The following RBPJ variants were observed in gnomAD, a reference collection of about 807,000 sequenced individuals.
The protein encoded by RBPJ is recombination signal binding protein for immunoglobulin kappa J region.
RBPJ carries 9 observed loss-of-function variants against 67.8 expected under a neutral mutation model. The ratio of observed to expected loss-of-function variants is 0.13; its 90% CI spans 0.08 to 0.23. RBPJ has a LOEUF of 0.23. Ranked by LOEUF, RBPJ falls within the 10% of genes least tolerant of loss-of-function variation. The probability of loss-of-function intolerance (pLI) is 1.00; values close to 1 mark genes in which losing one functional copy is unlikely to be tolerated. For synonymous variants in RBPJ, 198 were observed against 203.3 expected, an observed-to-expected ratio of 0.97 and a Z score of 0.22; for missense variants, 305 against 595.6, an observed-to-expected ratio of 0.51 and a Z score of 5.08.
chr4:26,308,820 T>C (rs537904472), intron 1 of RBPJ, among the ~76,000 whole-genome samples: 2 of 152,206 alleles, frequency 1.3e-5, no homozygotes, highest in Non-Finnish European at 2.9e-5. Flanking sequence ...GAAACCTTTC[T>C]GGTAGGCTTT....
intron 1 of RBPJ, among the ~76,000 whole-genome samples, chr4:26,228,839 C>A (rs1321448586): frequency 6.6e-6 from 1 of 152,198 alleles, no homozygotes; most frequent in Non-Finnish European, 1.5e-5. Flanking sequence ...GAACTTGGAC[C>A]TGCAGAGCTT....
At chr4:26,161,971 T>C (rs992278186), upstream of RBPJ, among the ~76,000 whole-genome samples, 2 of 152,258 alleles carry the variant, frequency 1.3e-5, no homozygotes, top group African/African-American at 4.8e-5. Context: ...TTAATCAAGA[T>C]CTAGCCCCAT....
In RBPJ at chr4:26,362,660, G is replaced by A. The variant is rs1324978896; in HGVS notation, c.21-23693G>A. 9 of 1,572,606 alleles carry A rather than the reference G, an allele frequency of 5.7e-6. No homozygotes were observed. The African/African-American group carries it at 6.8e-5, about 12-fold the overall frequency. Reference sequence around the variant, plus strand: ...TTTAGAAATCTCCCAGTGACCCCAAGGTCATGGATAGAATGAACACTCATG... The same window carrying A: ...TTTAGAAATCTCCCAGTGACCCCAAAGTCATGGATAGAATGAACACTCATG... On this transcript the variant is annotated intron_variant, in intron 1 of 10. Coordinates refer to ENST00000355476, the MANE Select transcript of RBPJ (RefSeq NM_015874.6).
intron 1 of RBPJ, among the ~76,000 whole-genome samples, chr4:26,305,674 T>C (rs1722208945): frequency 6.6e-6 from 1 of 151,916 alleles, no homozygotes; most frequent in Non-Finnish European, 1.5e-5. Flanking sequence ...TAGAATACAA[T>C]TTTTTTATAT....
chr4:26,253,307 C>CTTTT (rs1182769419), intron 1 of RBPJ, among the ~76,000 whole-genome samples: 123 of 114,376 alleles, frequency 1.1e-3, no homozygotes, highest in African/African-American at 1.4e-3. Context: ...TCTGCTATTT[C>CTTTT]TTTTTTTTTT....
rs558422203 is a variant in RBPJ at position 26,259,045 on chromosome 4, A to AC, written c.-167+95437dup. The stretch of plus-strand genomic sequence containing the variant: ...TCTCAACCTCCTGACCTCGTGATCC[A>AC]CCCCCCTCAGACTCCCAAAGTGCTG... On this transcript the variant is annotated intron_variant, in intron 1 of 4. Coordinates refer to the RBPJ transcript ENST00000512351. Among the ~76,000 whole-genome samples, 1,334 of 151,586 alleles carry AC rather than the reference A, an allele frequency of 8.8e-3. 27 individuals carry two copies. Among genetic ancestry groups the AC allele is most frequent in the South Asian group, 0.08 (382 of 4,790 alleles).
chr4:26,428,349 A>C (rs1424618200), intron 7 of RBPJ, among the ~76,000 whole-genome samples: 2 of 152,210 alleles, frequency 1.3e-5, no homozygotes, highest in Non-Finnish European at 2.9e-5. Context: ...AGAAATGCAG[A>C]ATATCAGGCC....
chr4:26,285,341 G>C (rs1721426867), intron 1 of RBPJ, among the ~76,000 whole-genome samples: 3 of 130,664 alleles, frequency 2.3e-5, no homozygotes, highest in Admixed American at 9.9e-5. Context: ...CCTCCATTCA[G>C]TTATCTATTA....
At chr4:26,320,882 T>A, upstream of RBPJ, 1 of 1,580,878 alleles carries the variant, frequency 6.3e-7, no homozygotes, top group Non-Finnish European at 8.6e-7. Flanking sequence ...CGTCTGGCTC[T>A]TCGCGGCGGC....
In RBPJ at chr4:26,297,357, C is replaced by T. The variant is rs998839567; in HGVS notation, c.-166-65089C>T. ...CTTTGTGTGTGTGTGTGTGTGTGTACGAGAGAAAGAGAGAGAGAGAGAGAG... is the reference window on the plus strand; with the variant it reads ...CTTTGTGTGTGTGTGTGTGTGTGTATGAGAGAAAGAGAGAGAGAGAGAGAG... On this transcript the variant is annotated intron_variant, in intron 1 of 4. Coordinates refer to the RBPJ transcript ENST00000512351. 5.7e-4 allele frequency among the ~76,000 whole-genome samples: 60 copies of T among 105,924 alleles called. 1 individual carries two copies. Among genetic ancestry groups the T allele is most frequent in the Non-Finnish European group, 6.9e-4 (34 of 49,274 alleles). The allele number at this position is 105,924 out of a possible 152,430, so 69.5% of individuals were successfully genotyped here.
chr4:26,390,535 AAGGTAGT>A lies in RBPJ; in HGVS notation c.59+4148_59+4154del, dbSNP rs1459553535. On this transcript the variant is annotated intron_variant, in intron 2 of 10. Coordinates refer to ENST00000355476, the MANE Select transcript of RBPJ (RefSeq NM_015874.6). ...ACTAGAACTGATAAGTGAGTTTAGC[AAGGTAGT>A]AGGATACATGATTAACATACACAAC... Among the ~76,000 whole-genome samples, 5 of 152,366 alleles carry A rather than the reference AAGGTAGT, an allele frequency of 3.3e-5. No individual in the cohort carries two copies. In the East Asian group the frequency reaches 9.6e-4, roughly 29 times the overall value.
At chr4:26,253,340 C>T (rs1268196711) in intron 1 of RBPJ, among the ~76,000 whole-genome samples, 1 of 115,224 alleles carries the variant, frequency 8.7e-6, no homozygotes, top group Non-Finnish European at 1.6e-5. Context: ...GAGACGGAGT[C>T]TCGCTCTGTC....
intron 1 of RBPJ, among the ~76,000 whole-genome samples, chr4:26,282,643 C>T (rs992486625): frequency 6.6e-6 from 1 of 151,960 alleles, no homozygotes; most frequent in Non-Finnish European, 1.5e-5. Context: ...GCCTCAGCCT[C>T]CTGAGTAACT....
chr4:26,113,647 A>G, the RBPJ span: 39 of 298,236 alleles, frequency 1.3e-4, no homozygotes, highest in Non-Finnish European at 2.1e-5. Context: ...CACACACACG[A>G]GAGAAATCCT....
chr4:26,350,830 G>A (rs1264520957), intron 1 of RBPJ, among the ~76,000 whole-genome samples: 2 of 152,164 alleles, frequency 1.3e-5, no homozygotes, highest in Admixed American at 6.5e-5. Flanking sequence ...CAAGTTTTAG[G>A]TATGAGGTTG....
chr4:26,294,063 G>A (rs1721766530), intron 1 of RBPJ, among the ~76,000 whole-genome samples: 1 of 147,598 alleles, frequency 6.8e-6, no homozygotes, highest in South Asian at 2.2e-4. Flanking sequence ...CGGCCAGGAA[G>A]TTGTTTTTGT....
the RBPJ span, among the ~76,000 whole-genome samples, chr4:26,115,397 T>C: frequency 6.6e-6 from 1 of 152,190 alleles, no homozygotes; most frequent in South Asian, 2.1e-4. Context: ...AAGTTTTTTT[T>C]TTTTTGAGAC....
At chr4:26,315,167 A>AAATATATATATATATATAT (rs1325689348), upstream of RBPJ, among the ~76,000 whole-genome samples, 1 of 74,764 alleles carries the variant, frequency 1.3e-5, no homozygotes, top group African/African-American at 6.7e-5. Flanking sequence ...AAAAAAAAAA[A>AAATATATATATATATATAT]ATATATATAT....
chr4:26,269,757 G>T (rs1039987947), intron 1 of RBPJ, among the ~76,000 whole-genome samples: 1 of 152,156 alleles, frequency 6.6e-6, no homozygotes, highest in Non-Finnish European at 1.5e-5. Context: ...AGCGGTGAGC[G>T]GGTATGGGCA....
Sources: allele counts gnomAD v4.1 joint callset (sites outside exome capture counted in the v4.1 genomes callset), GRCh38; gene constraint gnomAD v4.1.1; transcripts MANE v1.5; gene names NCBI Gene and HGNC (gene_info 2026-07-23, HGNC 2026-07-21).